The following SDCCAG8 variants were observed in gnomAD, a reference collection of about 807,000 sequenced individuals.
The protein encoded by SDCCAG8 is serologically defined colon cancer antigen 8.
SDCCAG8 carries 74 observed loss-of-function variants against 101.8 expected under a neutral mutation model. The observed-to-expected ratio is 0.73, with a 90% CI of 0.60 to 0.88. The LOEUF (loss-of-function observed/expected upper bound fraction) is 0.88. SDCCAG8 is among the 40% of genes least tolerant of loss of function. The pLI is 0.00. For missense variants in SDCCAG8, 787 were observed against 822.6 expected, an observed-to-expected ratio of 0.96 and a Z score of 0.53; for synonymous variants, 281 against 292.9, an observed-to-expected ratio of 0.96 and a Z score of 0.41.
At chr1:243,340,858 A>G (rs1421876383) in intron 10 of SDCCAG8, among the ~76,000 whole-genome samples, 181 bp from the exon 11 acceptor site, 13 of 152,250 alleles carry the variant, frequency 8.5e-5, no homozygotes. Context: ...GGAGAGAAGT[A>G]CATATTTCAG....
chr1:243,312,913 C>T (rs1341357731), intron 8 of SDCCAG8, among the ~76,000 whole-genome samples: 3 of 152,166 alleles, frequency 2.0e-5, no homozygotes, highest in Non-Finnish European at 4.4e-5. Context: ...TTTCGCCTTT[C>T]ACTTGGCCTC....
intron 10 of SDCCAG8, among the ~76,000 whole-genome samples, chr1:243,337,442 A>G (rs1004155696): frequency 2.6e-5 from 4 of 152,200 alleles, no homozygotes; most frequent in African/African-American, 9.7e-5. Context: ...TGCTCTAAAT[A>G]AAGATGTATG....
At chr1:243,287,914 A>T (rs1035392153) in intron 5 of SDCCAG8, among the ~76,000 whole-genome samples, 1 of 152,216 alleles carries the variant, frequency 6.6e-6, no homozygotes, top group Non-Finnish European at 1.5e-5. Flanking sequence ...GAAGGAAATG[A>T]TGGTCAGAGC....
Position 243,484,156 on chromosome 1 carries a change from C to T in SDCCAG8, c.1986-4858C>T, listed in dbSNP as rs1240547691. ...GCCGATCCCTCCTGCCATCCTCTGT[C>T]TGTTAAATGGCACTGCCATTGCCTG... On this transcript the variant is annotated intron_variant, in intron 16 of 17. Coordinates refer to ENST00000366541, the MANE Select transcript of SDCCAG8 (RefSeq NM_006642.5). 3.3e-5 allele frequency among the ~76,000 whole-genome samples: 5 copies of T among 152,274 alleles called. No individual in the cohort carries two copies. In the East Asian group the frequency reaches 9.6e-4, roughly 29 times the overall value.
intron 16 of SDCCAG8, chr1:243,488,509 A>G (rs1369799760): frequency 1.0e-5 from 2 of 199,218 alleles, no homozygotes; most frequent in African/African-American, 2.3e-5. Context: ...AGGAGCGCCC[A>G]TCAGCAGAAT....
chr1:243,488,973 G>T (rs759994173), intron 16 of SDCCAG8, 41 bp from the exon 17 acceptor site: 1 of 1,612,874 alleles, frequency 6.2e-7, no homozygotes, highest in Non-Finnish European at 8.5e-7. Flanking sequence ...TTGAAAGGCT[G>T]ACGTTATCCC....
intron 6 of SDCCAG8, among the ~76,000 whole-genome samples, chr1:243,301,364 G>T (rs35166125): frequency 1.3e-5 from 2 of 151,980 alleles, no homozygotes; most frequent in Non-Finnish European, 2.9e-5. Flanking sequence ...GGTGGTTCTC[G>T]TGTACTTTTC....
chr1:243,270,062 C>A, intron 1 of SDCCAG8, 43 bp from the exon 2 acceptor site: 1 of 1,614,018 alleles, frequency 6.2e-7, no homozygotes, highest in Non-Finnish European at 8.5e-7. Context: ...GTTTGGTCAA[C>A]CAGACTCCAT....
chr1:243,367,696 T>C (rs2147871759), intron 12 of SDCCAG8, among the ~76,000 whole-genome samples: 1 of 150,768 alleles, frequency 6.6e-6, no homozygotes, highest in Non-Finnish European at 1.5e-5. Context: ...AATAGCATTA[T>C]AAGTCAACTT....
intron 6 of SDCCAG8, among the ~76,000 whole-genome samples, chr1:243,298,714 C>T (rs1345813103): frequency 6.6e-6 from 1 of 152,168 alleles, no homozygotes; most frequent in Non-Finnish European, 1.5e-5. Context: ...TTTATACATC[C>T]AAGCACCATT....
chr1:243,263,513 T>G (rs1219807834), intron 1 of SDCCAG8, among the ~76,000 whole-genome samples: 3 of 77,910 alleles, frequency 3.9e-5, no homozygotes, highest in Non-Finnish European at 9.6e-5. Context: ...CTAGGTTTAC[T>G]TCTTTTATCA....
Position 243,426,528 on chromosome 1 carries a change from A to G in SDCCAG8, c.1955A>G (p.His652Arg), listed in dbSNP as rs746505992. ...NEELEEQCVQ[H>R]GRVHETMKQR... is the part of the protein sequence containing the mutation. ...GAATTGGAGGAACAGTGTGTCCAGC[A>G]TGGGAGAGTACATGAGACGATGAAG... Residue 652 changes from histidine (H) to arginine (R), a missense_variant, in exon 16 of 18, where the codon CAT (histidine) becomes CGT (arginine). Transcript: ENST00000366541. The G allele has an allele frequency of 9.9e-6, 16 of 1,613,938 alleles. No homozygotes were observed. Among genetic ancestry groups the G allele is most frequent in the Non-Finnish European group, 1.2e-5 (14 of 1,179,944 alleles).
In SDCCAG8 at chr1:243,354,850, C is replaced by T. The variant is rs2076294675; in HGVS notation, c.1473+10519C>T. 2.6e-5 allele frequency among the ~76,000 whole-genome samples: 4 copies of T among 152,220 alleles called. No homozygotes were observed. In the South Asian group the frequency reaches 6.2e-4, roughly 24 times the overall value. The stretch of plus-strand genomic sequence containing the variant: ...TTTTTAAAATCAATCAAAATGAAAC[C>T]AAAAACAATTTTGCAATTGTCTTAG... On this transcript the variant is annotated intron_variant, in intron 12 of 17. Transcript: ENST00000366541.
chr1:243,361,187 T>G (rs1041392044), intron 12 of SDCCAG8, among the ~76,000 whole-genome samples: 1 of 152,226 alleles, frequency 6.6e-6, no homozygotes, highest in African/African-American at 2.4e-5. Flanking sequence ...ACTTGCTCTT[T>G]TCTTCGCCGG....
chr1:243,411,451 T>C (rs2148002220), intron 13 of SDCCAG8, among the ~76,000 whole-genome samples: 1 of 152,312 alleles, frequency 6.6e-6, no homozygotes, highest in East Asian at 1.9e-4. Context: ...TAAATTTAAA[T>C]ATAATAAAAT....
chr1:243,425,396 C>T (rs139769505), intron 15 of SDCCAG8, among the ~76,000 whole-genome samples: 16 of 152,072 alleles, frequency 1.1e-4, no homozygotes, highest in Admixed American at 9.8e-4. Context: ...GCTCCATACA[C>T]GTGAGCAGCC....
At chr1:243,397,853 T>A (rs567612553) in intron 13 of SDCCAG8, among the ~76,000 whole-genome samples, 1 of 152,364 alleles carries the variant, frequency 6.6e-6, no homozygotes, top group South Asian at 2.1e-4. Flanking sequence ...ATGAGGACTT[T>A]CTTGTTTTCT....
intron 15 of SDCCAG8, among the ~76,000 whole-genome samples, chr1:243,421,431 G>A (rs762438527): frequency 3.9e-5 from 6 of 152,186 alleles, no homozygotes; most frequent in Non-Finnish European, 5.9e-5. Context: ...AAAATGTTTT[G>A]AAATGGTACC....
intron 13 of SDCCAG8, among the ~76,000 whole-genome samples, chr1:243,410,784 T>C (rs921498050): frequency 2.6e-5 from 4 of 152,180 alleles, no homozygotes; most frequent in African/African-American, 9.7e-5. Flanking sequence ...ATAAACGATA[T>C]GAAAAAGTTG....
Sources: gnomAD v4.1 joint callset for allele counts (sites outside exome capture counted in the v4.1 genomes callset) on GRCh38, gnomAD v4.1.1 for gene constraint, MANE v1.5 for transcripts, NCBI Gene and HGNC (gene_info 2026-07-23, HGNC 2026-07-21) for gene names.